The following TTBK2 variants were observed in gnomAD, a reference collection of about 807,000 sequenced individuals.
TTBK2 encodes tau-tubulin kinase 2.
A neutral mutation model predicts 110.8 loss-of-function variants in TTBK2; 28 were observed. The ratio of observed to expected loss-of-function variants is 0.25; its 90% confidence interval spans 0.19 to 0.35. The LOEUF (loss-of-function observed/expected upper bound fraction) is 0.35, where lower values mean the gene tolerates loss of function less well. Among genes scored for constraint, TTBK2 ranks in the 10% least tolerant of loss-of-function variants. The pLI is 1.00. For missense variants in TTBK2, 1,369 were observed against 1,500.3 expected, an observed-to-expected ratio of 0.91 and a Z score of 1.45; for synonymous variants, 532 against 527.3, an observed-to-expected ratio of 1.01 and a Z score of -0.12.
chr15:42,745,771 T>C lies in TTBK2; in HGVS notation c.*24A>G, dbSNP rs745704884. 6.2e-7 allele frequency: 1 copy of C among 1,613,254 alleles called. No individual in the cohort carries two copies. Among genetic ancestry groups the C allele is most frequent in the African/African-American group, 1.3e-5 (1 of 74,906 alleles). On this transcript the variant is annotated 3_prime_UTR_variant, in exon 15 of 15. Coordinates refer to ENST00000267890, the MANE Select transcript of TTBK2 (RefSeq NM_173500.4). Reference sequence around the variant, plus strand: ...AGGTTTAGGAGGAAGATCTCACACCTTTCAAAGAGATGCAGCCTGGCTCCT... The same window carrying C: ...AGGTTTAGGAGGAAGATCTCACACCCTTCAAAGAGATGCAGCCTGGCTCCT...
chr15:42,842,243 G>T (rs1893249878), intron 3 of TTBK2, among the ~76,000 whole-genome samples: 1 of 151,838 alleles, frequency 6.6e-6, no homozygotes, highest in Admixed American at 6.6e-5. Context: ...AGTCCCTCAA[G>T]GAAATAGAGG....
intron 14 of TTBK2, 121 bp downstream of exon 14, chr15:42,751,853 A>G: frequency 3.2e-6 from 4 of 1,253,630 alleles, no homozygotes; most frequent in Non-Finnish European, 4.6e-6. Context: ...GGCCTGGGAA[A>G]GGCAGGAAAG....
chr15:42,903,026 C>T (rs1228655089), intron 1 of TTBK2, among the ~76,000 whole-genome samples: 1 of 150,560 alleles, frequency 6.6e-6, no homozygotes, highest in Non-Finnish European at 1.5e-5. Flanking sequence ...AAAGGGAATT[C>T]TTTTTAATTT....
chr15:42,754,876 C>T (rs2061924020), intron 13 of TTBK2, among the ~76,000 whole-genome samples: 1 of 150,808 alleles, frequency 6.6e-6, no homozygotes, highest in Non-Finnish European at 1.5e-5. Flanking sequence ...GGCGTGGTGG[C>T]ACATGCCTGT....
chr15:42,903,713 C>T (rs534764538), intron 1 of TTBK2, among the ~76,000 whole-genome samples: 1 of 152,284 alleles, frequency 6.6e-6, no homozygotes, highest in Admixed American at 6.5e-5. Context: ...CCCTCATCTC[C>T]TGCTATTGAT....
chr15:42,846,477 C>T (rs1893471093), intron 3 of TTBK2, among the ~76,000 whole-genome samples: 1 of 152,120 alleles, frequency 6.6e-6, no homozygotes, highest in Admixed American at 6.6e-5. Context: ...CCACCATGCC[C>T]AGCCTTTTTC....
At chr15:42,799,533 A>C (rs1315512472) in intron 9 of TTBK2, among the ~76,000 whole-genome samples, 1 of 152,072 alleles carries the variant, frequency 6.6e-6, no homozygotes, top group Non-Finnish European at 1.5e-5. Context: ...TCCTGGGTTC[A>C]AGAGATTCTC....
intron 6 of TTBK2, among the ~76,000 whole-genome samples, chr15:42,821,873 G>A (rs1892319522): frequency 6.6e-6 from 1 of 151,864 alleles, no homozygotes; most frequent in Non-Finnish European, 1.5e-5. Context: ...TGTATTTTTA[G>A]TAGAGACGGA....
At chr15:42,886,666 G>A (rs771179526) in intron 1 of TTBK2, among the ~76,000 whole-genome samples, 3 of 152,176 alleles carry the variant, frequency 2.0e-5, no homozygotes, top group Admixed American at 6.5e-5. Flanking sequence ...TACAGTAATA[G>A]AGAAGAGTTG....
intron 1 of TTBK2, among the ~76,000 whole-genome samples, chr15:42,883,289 G>C (rs1895116339): frequency 6.6e-6 from 1 of 151,216 alleles, no homozygotes. Flanking sequence ...GCTGAGGCAG[G>C]AGAATTGAAC....
At position 42,885,183 on chromosome 15, in the gene TTBK2, A is replaced by T. The variant is rs139129878; in HGVS notation, c.-67-6499T>A. Among the ~76,000 whole-genome samples the T allele has an allele frequency of 3.4e-3, 512 of 152,314 alleles. 1 individual carries two copies. Among genetic ancestry groups the T allele is most frequent in the African/African-American group, 0.012 (491 of 41,574 alleles). On this transcript the variant is annotated intron_variant, in intron 1 of 14. Coordinates refer to ENST00000267890, the MANE Select transcript of TTBK2 (RefSeq NM_173500.4). Reference sequence around the variant, plus strand: ...TGGTCTCTTCACACAGACACGTGAGACATTTGGTGCCAAAGACCTGGGTCA... The same window carrying T: ...TGGTCTCTTCACACAGACACGTGAGTCATTTGGTGCCAAAGACCTGGGTCA...
intron 9 of TTBK2, among the ~76,000 whole-genome samples, chr15:42,805,230 T>A (rs890556321): frequency 2.0e-5 from 3 of 152,234 alleles, no homozygotes; most frequent in Non-Finnish European, 4.4e-5. Context: ...TTTTATTAAA[T>A]GCCTATCATT....
intron 13 of TTBK2, among the ~76,000 whole-genome samples, chr15:42,759,471 T>A (rs2061992968): frequency 6.6e-6 from 1 of 152,158 alleles, no homozygotes; most frequent in South Asian, 2.1e-4. Flanking sequence ...TGAGCCCATG[T>A]CCCTGGCCAG....
At position 42,797,388 on chromosome 15, in the gene TTBK2, G is replaced by A. The variant is rs139065556; in HGVS notation, c.823-2587C>T. On this transcript the variant is annotated intron_variant, in intron 9 of 14. Coordinates refer to ENST00000267890, the MANE Select transcript of TTBK2 (RefSeq NM_173500.4). ...CAAATTAGAAACAGTTTGTTACTAC[G>A]ATGGTGATATTAGACACCAGCAGCA... Among the ~76,000 whole-genome samples, 7 of 152,230 alleles carry A rather than the reference G, an allele frequency of 4.6e-5. No homozygotes were observed. The East Asian group carries it at 1.2e-3, about 25-fold the overall frequency.
chr15:42,805,382 T>C lies in TTBK2; in HGVS notation c.822+5232A>G, dbSNP rs182100709. Among the ~76,000 whole-genome samples the C allele has an allele frequency of 3.2e-3, 483 of 152,132 alleles. 3 individuals carry two copies. The highest frequency in any genetic ancestry group is 5.6e-3 in the Non-Finnish European group (384 of 67,998). On this transcript the variant is annotated intron_variant, in intron 9 of 14. Coordinates refer to ENST00000267890, the MANE Select transcript of TTBK2 (RefSeq NM_173500.4). Reference sequence around the variant, plus strand: ...ACTCCAGTATGGAATATGGAAGGAATTGAAGGAATCAGAGGAGGCTGCGGA... The same window carrying C: ...ACTCCAGTATGGAATATGGAAGGAACTGAAGGAATCAGAGGAGGCTGCGGA...
chr15:42,846,039 T>C (rs1418926997), intron 3 of TTBK2, among the ~76,000 whole-genome samples: 1 of 152,132 alleles, frequency 6.6e-6, no homozygotes. Flanking sequence ...CATGACTATA[T>C]ATAATCTCTA....
At chr15:42,780,698 G>A (rs1383949426) in intron 11 of TTBK2, among the ~76,000 whole-genome samples, 1 of 152,114 alleles carries the variant, frequency 6.6e-6, no homozygotes, top group Non-Finnish European at 1.5e-5. Flanking sequence ...GGGCGTCGTG[G>A]CTTGTGCCTG....
intron 1 of TTBK2, among the ~76,000 whole-genome samples, chr15:42,917,426 A>G (rs1346783415): frequency 2.6e-5 from 4 of 152,170 alleles, no homozygotes; most frequent in Non-Finnish European, 5.9e-5. Flanking sequence ...ATATAATTTC[A>G]ATCTGTATTA....
chr15:42,893,025 A>G (rs1199139966), intron 1 of TTBK2, among the ~76,000 whole-genome samples: 1 of 151,552 alleles, frequency 6.6e-6, no homozygotes, highest in African/African-American at 2.4e-5. Flanking sequence ...AAAAAAAAAA[A>G]AAGAAAGAAA....
Sources: allele counts gnomAD v4.1 joint callset (sites outside exome capture counted in the v4.1 genomes callset), GRCh38; gene constraint gnomAD v4.1.1; transcripts MANE v1.5; gene names NCBI Gene and HGNC (gene_info 2026-07-23, HGNC 2026-07-21).